Variants in AOPEP observed in about 807,000 individuals in gnomAD.
The protein encoded by AOPEP is aminopeptidase O (putative).
Under a neutral mutation model 98.1 loss-of-function variants are expected in AOPEP, and 77 were observed. That is an observed-to-expected ratio of 0.78 (90% confidence interval 0.65 to 0.95). The LOEUF (loss-of-function observed/expected upper bound fraction) is 0.95. AOPEP is among the 40% of genes least tolerant of loss of function. The pLI is 0.00. For missense variants in AOPEP, 1,024 were observed against 1,024.7 expected, an observed-to-expected ratio of 1.00 and a Z score of 0.01; for synonymous variants, 346 against 365.3, an observed-to-expected ratio of 0.95 and a Z score of 0.60.
At chr9:94,911,643 T>A (rs1199900701) in intron 5 of AOPEP, among the ~76,000 whole-genome samples, 3 of 152,166 alleles carry the variant, frequency 2.0e-5, no homozygotes, top group African/African-American at 4.8e-5. Flanking sequence ...GCAAAAGAAA[T>A]TTTTTAAAAA....
At chr9:95,031,874 T>G (rs1366655509) in intron 13 of AOPEP, among the ~76,000 whole-genome samples, 1 of 152,232 alleles carries the variant, frequency 6.6e-6, no homozygotes, top group Non-Finnish European at 1.5e-5. Context: ...TTGTGGACCA[T>G]GTGCCACAAC....
At chr9:94,982,768 A>G (rs2060269607) in intron 11 of AOPEP, among the ~76,000 whole-genome samples, 1 of 152,152 alleles carries the variant, frequency 6.6e-6, no homozygotes, top group African/African-American at 2.4e-5. Context: ...AGAATAGTAT[A>G]TTATTGTACA....
At chr9:95,044,148 A>G (rs1455329354) in intron 13 of AOPEP, among the ~76,000 whole-genome samples, 2 of 152,198 alleles carry the variant, frequency 1.3e-5, no homozygotes, top group Non-Finnish European at 2.9e-5. Context: ...CCTAGGGAAA[A>G]TGTCCCTGAA....
chr9:95,141,286 T>G, the AOPEP span, among the ~76,000 whole-genome samples: 1 of 116,740 alleles, frequency 8.6e-6, no homozygotes, highest in Admixed American at 1.2e-4. Context: ...CACTCTAGCC[T>G]GGGTGACAGA....
At chr9:94,781,388 A>G (rs1024081541) in intron 3 of AOPEP, among the ~76,000 whole-genome samples, 1 of 152,170 alleles carries the variant, frequency 6.6e-6, no homozygotes, top group African/African-American at 2.4e-5. Context: ...CATGGAAGAA[A>G]CATTTAAAAC....
chr9:95,097,066 G>T, the AOPEP span, among the ~76,000 whole-genome samples: 1 of 152,188 alleles, frequency 6.6e-6, no homozygotes, highest in African/African-American at 2.4e-5. Flanking sequence ...ACCCTGCAGT[G>T]CACAGGACAC....
chr9:95,091,836 G>A (rs1263153330), downstream of AOPEP, among the ~76,000 whole-genome samples: 4 of 152,170 alleles, frequency 2.6e-5, no homozygotes, highest in Non-Finnish European at 5.9e-5. Context: ...AGCCACAGAT[G>A]TCCCAAGACC....
At chr9:94,885,726 C>T (rs2048165138) in intron 5 of AOPEP, among the ~76,000 whole-genome samples, 1 of 152,096 alleles carries the variant, frequency 6.6e-6, no homozygotes, top group Non-Finnish European at 1.5e-5. Context: ...GGTTAAGAAC[C>T]ACTGGAATAG....
chr9:94,956,484 G>T (rs905560547), intron 9 of AOPEP, among the ~76,000 whole-genome samples: 5 of 152,142 alleles, frequency 3.3e-5, no homozygotes, highest in African/African-American at 1.2e-4. Context: ...TCTTTTCGCT[G>T]TCCTCCACTC....
At chr9:94,935,089 G>A (rs1424347649) in intron 7 of AOPEP, 1 of 152,198 alleles carries the variant, frequency 6.6e-6, no homozygotes, top group African/African-American at 2.4e-5. Flanking sequence ...TCACAGAGGT[G>A]GTTTGTCATG....
the AOPEP span, among the ~76,000 whole-genome samples, chr9:95,097,692 A>G: frequency 6.6e-6 from 1 of 152,218 alleles, no homozygotes; most frequent in Non-Finnish European, 1.5e-5. Context: ...TTCCCTGCCC[A>G]GAACAGCAAG....
chr9:94,778,269 G>A (rs1342538878), intron 3 of AOPEP, among the ~76,000 whole-genome samples: 7 of 152,020 alleles, frequency 4.6e-5, no homozygotes, highest in Non-Finnish European at 8.8e-5. Flanking sequence ...ATATTTACAC[G>A]ATCTAGCAAT....
the AOPEP span, among the ~76,000 whole-genome samples, chr9:95,143,872 G>A: frequency 3.3e-5 from 5 of 152,188 alleles, no homozygotes; most frequent in Non-Finnish European, 7.3e-5. Context: ...TGACATTTAG[G>A]CCAAGAAATT....
At chr9:95,143,658 T>C in the AOPEP span, among the ~76,000 whole-genome samples, 1 of 152,324 alleles carries the variant, frequency 6.6e-6, no homozygotes, top group East Asian at 1.9e-4. Flanking sequence ...CATTCAGGCA[T>C]ATAGAACAAA....
At chr9:95,149,201 A>G in the AOPEP span, among the ~76,000 whole-genome samples, 1 of 152,124 alleles carries the variant, frequency 6.6e-6, no homozygotes, top group Non-Finnish European at 1.5e-5. Context: ...TTCAAATATG[A>G]TAAATATTAA....
intron 5 of AOPEP, among the ~76,000 whole-genome samples, chr9:94,914,407 C>T (rs757908895): frequency 5.9e-5 from 9 of 152,186 alleles, no homozygotes; most frequent in Admixed American, 2.0e-4. Flanking sequence ...GCCTGCTTCT[C>T]GGATTTCACC....
chr9:94,782,321 T>G (rs528865591), intron 3 of AOPEP, among the ~76,000 whole-genome samples: 1 of 152,182 alleles, frequency 6.6e-6, no homozygotes, highest in South Asian at 2.1e-4. Flanking sequence ...TATGAACAAG[T>G]GAAAGGTGTT....
At chr9:94,876,806 A>G (rs1336450868) in intron 5 of AOPEP, among the ~76,000 whole-genome samples, 3 of 152,170 alleles carry the variant, frequency 2.0e-5, no homozygotes, top group African/African-American at 4.8e-5. Context: ...TAAGCCCCCA[A>G]CTAGAGCAAA....
intron 1 of AOPEP, among the ~76,000 whole-genome samples, chr9:94,727,376 T>C (rs2131581671): frequency 6.6e-6 from 1 of 152,330 alleles, no homozygotes; most frequent in South Asian, 2.1e-4. Context: ...AATCCACTGT[T>C]GAGATGCATG....
Sources: allele counts gnomAD v4.1 joint callset (sites outside exome capture counted in the v4.1 genomes callset), GRCh38; gene constraint gnomAD v4.1.1; transcripts MANE v1.5; gene names NCBI Gene and HGNC (gene_info 2026-07-23, HGNC 2026-07-21).